KCND3: variants seen among roughly 807,000 people sequenced by gnomAD.
KCND3 encodes potassium voltage-gated channel subfamily D member 3.
A neutral mutation model predicts 51.1 loss-of-function variants in KCND3; 9 were observed. The observed-to-expected ratio is 0.18, with a 90% CI of 0.11 to 0.31. KCND3 has a LOEUF of 0.31. Ranked by LOEUF, KCND3 falls within the 10% of genes least tolerant of loss-of-function variation. The pLI, the probability that KCND3 is intolerant of heterozygous loss-of-function variation, is 1.00. For synonymous variants in KCND3, 349 were observed against 368.0 expected (o/e 0.95, Z 0.59); for missense variants, 526 against 903.8 (o/e 0.58, Z 5.36).
chr1:111,835,990 T>C (rs946350966), intron 2 of KCND3, among the ~76,000 whole-genome samples: 2 of 152,238 alleles, frequency 1.3e-5, no homozygotes, highest in African/African-American at 4.8e-5. Context: ...TCATCTAGTG[T>C]ACCTGCAGGC....
At position 111,777,169 on chromosome 1, in the gene KCND3, G is replaced by T. The variant is rs1664159423; in HGVS notation, c.1623C>A (p.Gly541=). Residue 541 remains glycine, a synonymous_variant, in exon 7 of 8, where the codon GGC becomes GGA. Coordinates refer to ENST00000302127, the MANE Select transcript of KCND3 (RefSeq NM_001378969.1). ...TRSPSLSSHP[G]LTTTCCSRRS... ...GACGGGAGCAGCAGGTGGTAGTGAG[G>T]CCTGGGTGGCTGGACAGTGAGGGAC... 1.2e-6 allele frequency: 2 copies of T among 1,614,204 alleles called. No individual in the cohort carries two copies. The highest frequency in any genetic ancestry group is 1.7e-6 in the Non-Finnish European group (2 of 1,180,024).
At chr1:111,790,320 C>A (rs1248492261) in intron 2 of KCND3, among the ~76,000 whole-genome samples, 3 of 152,200 alleles carry the variant, frequency 2.0e-5, no homozygotes, top group East Asian at 1.9e-4. Context: ...AAAAGAAACA[C>A]TTAATTCAGT....
At chr1:111,840,615 T>C (rs1485176534) in intron 2 of KCND3, among the ~76,000 whole-genome samples, 1 of 152,198 alleles carries the variant, frequency 6.6e-6, no homozygotes, top group Non-Finnish European at 1.5e-5. Flanking sequence ...ATGTATCTTT[T>C]CTTAGGTGGG....
At chr1:111,824,135 A>T (rs556580957) in intron 2 of KCND3, among the ~76,000 whole-genome samples, 1,803 of 151,582 alleles carry the variant, frequency 0.012, 35 homozygotes, top group African/African-American at 0.04. Flanking sequence ...AAAAAAAAAA[A>T]AGCTCAAACA....
chr1:111,798,829 A>G (rs1017309692), intron 2 of KCND3, among the ~76,000 whole-genome samples: 3 of 150,874 alleles, frequency 2.0e-5, no homozygotes, highest in African/African-American at 7.3e-5. Flanking sequence ...AAACACTTTT[A>G]TCCTGAATAA....
intron 2 of KCND3, among the ~76,000 whole-genome samples, chr1:111,974,523 G>C (rs116790786): frequency 0.019 from 2,954 of 152,280 alleles, 52 homozygotes; most frequent in Non-Finnish European, 0.028. Context: ...AGAGCTAAAA[G>C]TCTCTGCTCC....
intron 2 of KCND3, among the ~76,000 whole-genome samples, chr1:111,814,177 C>T (rs142701440): frequency 5.9e-5 from 9 of 152,372 alleles, no homozygotes; most frequent in South Asian, 4.1e-4. Context: ...ACATATGCTA[C>T]GTGCCGGGCA....
At chr1:111,804,428 A>C (rs1298717841) in intron 2 of KCND3, among the ~76,000 whole-genome samples, 1 of 152,158 alleles carries the variant, frequency 6.6e-6, no homozygotes, top group Non-Finnish European at 1.5e-5. Flanking sequence ...CTCCCTTTAC[A>C]ACATTTCTGC....
chr1:111,883,874 T>C (rs184658879), intron 2 of KCND3, among the ~76,000 whole-genome samples: 1,969 of 152,328 alleles, frequency 0.013, 17 homozygotes, highest in Non-Finnish European at 0.02. Context: ...GCTGAATTTT[T>C]CCCCCAACTA....
chr1:111,916,102 G>C (rs1571846055), intron 2 of KCND3, among the ~76,000 whole-genome samples: 1 of 152,074 alleles, frequency 6.6e-6, no homozygotes, highest in African/African-American at 2.4e-5. Flanking sequence ...TAGAACACTC[G>C]AACCAACAAC....
intron 2 of KCND3, among the ~76,000 whole-genome samples, chr1:111,846,909 T>C (rs1353608435): frequency 9.9e-5 from 15 of 152,142 alleles, no homozygotes; most frequent in Admixed American, 9.8e-4. Flanking sequence ...GGCCTCTAAC[T>C]CACAGCACGG....
At chr1:111,967,578 C>T (rs952600927) in intron 2 of KCND3, among the ~76,000 whole-genome samples, 2 of 152,198 alleles carry the variant, frequency 1.3e-5, no homozygotes, top group Non-Finnish European at 2.9e-5. Context: ...TCTCTGCAGA[C>T]TTGCATTTCT....
intron 2 of KCND3, chr1:111,910,390 A>C (rs1670878334): frequency 6.6e-6 from 1 of 152,240 alleles, no homozygotes. Context: ...AGTGCCCGAC[A>C]TTGAGCCCCT....
chr1:111,813,199 T>TCTTGGAACCCTAGCAAGCTCAGGGAG (rs1264162658), intron 2 of KCND3, among the ~76,000 whole-genome samples: 34 of 152,132 alleles, frequency 2.2e-4, no homozygotes, highest in African/African-American at 7.7e-4. Context: ...CCCAGATCAC[T>TCTTGGAACCCTAGCAAGCTCAGGGAG]CTTGGAACCC....
chr1:111,847,568 A>G (rs1011020695), intron 2 of KCND3, among the ~76,000 whole-genome samples: 3 of 152,204 alleles, frequency 2.0e-5, no homozygotes, highest in African/African-American at 4.8e-5. Flanking sequence ...GCATATGTGC[A>G]GGCGTGATCT....
intron 2 of KCND3, among the ~76,000 whole-genome samples, chr1:111,905,836 G>A (rs1212805672): frequency 2.6e-5 from 4 of 152,046 alleles, no homozygotes; most frequent in South Asian, 4.1e-4. Flanking sequence ...TGGGGCCTGG[G>A]GACGCCTGAC....
intron 2 of KCND3, among the ~76,000 whole-genome samples, chr1:111,879,586 A>C (rs1669208148): frequency 6.6e-6 from 1 of 152,230 alleles, no homozygotes; most frequent in Non-Finnish European, 1.5e-5. Flanking sequence ...TGGAGTGTCT[A>C]GATGCAAGAG....
chr1:111,988,331 G>C (rs908357232), intron 1 of KCND3, among the ~76,000 whole-genome samples: 1 of 152,088 alleles, frequency 6.6e-6, no homozygotes, highest in African/African-American at 2.4e-5. Context: ...CTTCTCCAAC[G>C]GTGCCACTCC....
At position 111,946,520 on chromosome 1, in the gene KCND3, G is replaced by C. The variant is rs533746622; in HGVS notation, c.1106+35101C>G. Among the ~76,000 whole-genome samples, 112 of 152,228 alleles carry C rather than the reference G, an allele frequency of 7.4e-4. 1 individual carries two copies. The highest frequency in any genetic ancestry group is 2.6e-3 in the African/African-American group (109 of 41,530). ...GGAAGGGCAGCCGGCCTTTCTTGATGACCATTCAAAGCCTCCAGCCCCAGG... is the reference window on the plus strand; with the variant it reads ...GGAAGGGCAGCCGGCCTTTCTTGATCACCATTCAAAGCCTCCAGCCCCAGG... On this transcript the variant is annotated intron_variant, in intron 2 of 7. Transcript: ENST00000302127.
Sources: allele counts gnomAD v4.1 joint callset (sites outside exome capture counted in the v4.1 genomes callset), GRCh38; gene constraint gnomAD v4.1.1; transcripts MANE v1.5; gene names NCBI Gene and HGNC (gene_info 2026-07-23, HGNC 2026-07-21).